HIVEP3: variants seen among roughly 807,000 people sequenced by gnomAD.
The protein encoded by HIVEP3 is HIVEP zinc finger 3.
HIVEP3 carries 49 observed loss-of-function variants against 152.8 expected under a neutral mutation model. The observed-to-expected ratio is 0.32, with a 90% CI of 0.26 to 0.41. The LOEUF (loss-of-function observed/expected upper bound fraction) is 0.41. Ranked by LOEUF, HIVEP3 falls within the 10% of genes least tolerant of loss-of-function variation. The probability of loss-of-function intolerance (pLI) is 1.00; values close to 1 mark genes in which losing one functional copy is unlikely to be tolerated. For synonymous variants in HIVEP3, 1,269 were observed against 1,289.0 expected (o/e 0.98, Z 0.33); for missense variants, 2,790 against 3,103.3 (o/e 0.90, Z 2.40).
intron 5 of HIVEP3, among the ~76,000 whole-genome samples, chr1:41,560,916 G>A (rs1160567551): frequency 6.6e-6 from 1 of 152,170 alleles, no homozygotes; most frequent in African/African-American, 2.4e-5. Flanking sequence ...CAGGGTACAC[G>A]GCCACGGTCC....
intron 1 of HIVEP3, among the ~76,000 whole-genome samples, chr1:41,916,555 C>G (rs756913014): frequency 3.9e-4 from 59 of 152,308 alleles, no homozygotes; most frequent in Non-Finnish European, 2.9e-4. Flanking sequence ...CTGCAGGTGT[C>G]TTAGTTGGAC....
chr1:41,907,542 A>C (rs1202414956), intron 1 of HIVEP3, among the ~76,000 whole-genome samples: 1 of 152,230 alleles, frequency 6.6e-6, no homozygotes. Context: ...AAGAAGCAGC[A>C]GTAATGGGAA....
At chr1:41,742,129 T>C (rs1469933197) in intron 1 of HIVEP3, among the ~76,000 whole-genome samples, 1 of 152,152 alleles carries the variant, frequency 6.6e-6, no homozygotes, top group Non-Finnish European at 1.5e-5. Context: ...GTGGGGCTGG[T>C]ACCAAATCTT....
rs1021097103 is a variant in HIVEP3 at position 41,511,114 on chromosome 1, G to A, written c.6558C>T (p.His2186=). Residue 2186 remains histidine (H), a synonymous_variant, in exon 9 of 9, where the codon CAC becomes CAT. Coordinates refer to ENST00000372583, the MANE Select transcript of HIVEP3 (RefSeq NM_024503.5). This position sits in a 1 kb window ranked among gnomAD's most constrained non-coding sequence, Gnocchi z 4.9. Reference sequence around the variant, plus strand: ...TCAAGGGACATGGGGCACGGGTCAAGTGCTGGGAGTGCAGAGGCAGGTGGC... The same window carrying A: ...TCAAGGGACATGGGGCACGGGTCAAATGCTGGGAGTGCAGAGGCAGGTGGC... The part of the protein sequence containing the change: ...IFSHLPLHSQ[H]LTRAPCPLIP... 1.9e-6 allele frequency: 3 copies of A among 1,614,228 alleles called. No individual in the cohort carries two copies. Among genetic ancestry groups the A allele is most frequent in the Non-Finnish European group, 2.5e-6 (3 of 1,180,038 alleles).
At chr1:41,863,804 C>T (rs1228289899) in intron 1 of HIVEP3, among the ~76,000 whole-genome samples, 1 of 152,150 alleles carries the variant, frequency 6.6e-6, no homozygotes, top group Non-Finnish European at 1.5e-5. Context: ...CAGGATTCTC[C>T]ATCTGTCAAG....
Position 41,611,956 on chromosome 1 carries a change from A to G in HIVEP3, c.-522+16793T>C, listed in dbSNP as rs533283947. Among the ~76,000 whole-genome samples the G allele has an allele frequency of 1.7e-3, 260 of 152,188 alleles. 5 individuals are homozygous for G. Among genetic ancestry groups the G allele is most frequent in the South Asian group, 0.017 (80 of 4,824 alleles). Reference sequence around the variant, plus strand: ...CTCCTGACTAGGTCTGTGAAGATATAAACTCGCCCTTCTTGATGGCCCAGG... The same window carrying G: ...CTCCTGACTAGGTCTGTGAAGATATGAACTCGCCCTTCTTGATGGCCCAGG... On this transcript the variant is annotated intron_variant, in intron 3 of 8. Coordinates refer to ENST00000372583, the MANE Select transcript of HIVEP3 (RefSeq NM_024503.5).
intron 5 of HIVEP3, among the ~76,000 whole-genome samples, chr1:41,563,135 T>C (rs1644107021): frequency 6.6e-6 from 1 of 151,936 alleles, no homozygotes; most frequent in African/African-American, 2.4e-5. Context: ...TCACTTGAAG[T>C]CAGGAGTTTA....
In HIVEP3 at chr1:41,581,883, C is replaced by A. The variant is rs761296529; in HGVS notation, c.2915G>T (p.Gly972Val). The change falls in exon 4 of 9, where the codon GGC becomes GTC. Residue 972 changes from glycine to valine, a missense_variant. Coordinates refer to ENST00000372583, the MANE Select transcript of HIVEP3 (RefSeq NM_024503.5). The surrounding 1 kb of genome is among the most constrained non-coding windows in gnomAD (Gnocchi z 4.5). ...PSSDMRPKPL[G>V]THMLTVPSHH... ...GCTGGGGACAGTCAACATGTGGGTG[C>A]CCAGGGGTTTGGGGCGCATGTCAGA... 1 of 1,612,442 alleles carries A rather than the reference C, an allele frequency of 6.2e-7. No homozygotes were observed. Among genetic ancestry groups the A allele is most frequent in the East Asian group, 2.2e-5 (1 of 44,864 alleles).
At chr1:41,686,625 T>G in intron 2 of HIVEP3, among the ~76,000 whole-genome samples, 1 of 152,164 alleles carries the variant, frequency 6.6e-6, no homozygotes, top group East Asian at 1.9e-4. Context: ...ACTGGAACCA[T>G]GCAAAAGCCC....
At chr1:41,837,940 G>C (rs1643173540) in intron 1 of HIVEP3, among the ~76,000 whole-genome samples, 1 of 152,094 alleles carries the variant, frequency 6.6e-6, no homozygotes, top group Non-Finnish European at 1.5e-5. Context: ...AGCCCTGCAG[G>C]GGCCCAGGCT....
intron 3 of HIVEP3, among the ~76,000 whole-genome samples, chr1:41,620,074 G>A (rs1434904162): frequency 6.6e-6 from 1 of 152,166 alleles, no homozygotes. Flanking sequence ...GGAAGGAAAG[G>A]GGGAAAGGTG....
At chr1:41,593,405 A>G (rs963404517) in intron 3 of HIVEP3, among the ~76,000 whole-genome samples, 4 of 152,028 alleles carry the variant, frequency 2.6e-5, no homozygotes, top group African/African-American at 9.7e-5. Flanking sequence ...TTTTGGCTGT[A>G]CTCAAACTCA....
intron 4 of HIVEP3, among the ~76,000 whole-genome samples, chr1:41,579,116 C>A (rs186173992): frequency 5.5e-4 from 84 of 152,288 alleles, no homozygotes; most frequent in Admixed American, 3.9e-3. Context: ...CCACGTAGCA[C>A]AAATAGGTCA....
chr1:41,906,858 T>C (rs932514886), intron 1 of HIVEP3, among the ~76,000 whole-genome samples: 2 of 148,402 alleles, frequency 1.3e-5, no homozygotes, highest in African/African-American at 5.0e-5. Flanking sequence ...TCTCTCTCTC[T>C]CTCTCCCTCC....
chr1:41,877,148 A>G (rs1291073021), intron 1 of HIVEP3, among the ~76,000 whole-genome samples: 1 of 152,312 alleles, frequency 6.6e-6, no homozygotes, highest in East Asian at 1.9e-4. Context: ...TTAAGACTCC[A>G]GGCAGAATTC....
chr1:41,982,769 AT>A (rs1386884792), intron 1 of HIVEP3, among the ~76,000 whole-genome samples: 1 of 152,238 alleles, frequency 6.6e-6, no homozygotes, highest in Non-Finnish European at 1.5e-5. Context: ...TTAAATATGA[AT>A]AGGTCTTGGC....
At chr1:41,764,785 C>T (rs1647906955) in intron 1 of HIVEP3, among the ~76,000 whole-genome samples, 2 of 152,168 alleles carry the variant, frequency 1.3e-5, no homozygotes, top group Admixed American at 1.3e-4. Flanking sequence ...GAAACTACCA[C>T]ACAAAGAAGT....
intron 3 of HIVEP3, among the ~76,000 whole-genome samples, chr1:41,588,082 A>AC (rs995133947): frequency 5.3e-5 from 8 of 152,174 alleles, no homozygotes; most frequent in Non-Finnish European, 1.2e-4. Context: ...GGTCTTGCTT[A>AC]CCTAAGCTAA....
At chr1:41,512,379 G>A (rs757522466) in intron 8 of HIVEP3, among the ~76,000 whole-genome samples, 8 of 152,198 alleles carry the variant, frequency 5.3e-5, no homozygotes, top group Admixed American at 4.6e-4. Flanking sequence ...GCCTGTTCCC[G>A]CTTTGCCTTC....
Sources: allele counts gnomAD v4.1 joint callset (sites outside exome capture counted in the v4.1 genomes callset), GRCh38; gene constraint gnomAD v4.1.1; non-coding constraint Gnocchi (gnomAD v3.1); transcripts MANE v1.5; gene names NCBI Gene and HGNC (gene_info 2026-07-23, HGNC 2026-07-21).